The following RERE variants were observed in gnomAD, a reference collection of about 807,000 sequenced individuals.
The protein encoded by RERE is arginine-glutamic acid dipeptide repeats protein.
RERE carries 40 observed loss-of-function variants against 146.1 expected under a neutral mutation model. The ratio of observed to expected loss-of-function variants is 0.27; its 90% CI spans 0.21 to 0.36. The LOEUF (loss-of-function observed/expected upper bound fraction) is 0.36. Ranked by LOEUF, RERE falls within the 10% of genes least tolerant of loss-of-function variation. The pLI, the probability that RERE is intolerant of heterozygous loss-of-function variation, is 1.00. For missense variants in RERE, 1,933 were observed against 2,138.7 expected (o/e 0.90, Z 1.90); for synonymous variants, 1,003 against 866.0 (o/e 1.16, Z -2.78).
At chr1:8,763,666 C>T (rs1640795425) in intron 1 of RERE, among the ~76,000 whole-genome samples, 1 of 151,946 alleles carries the variant, frequency 6.6e-6, no homozygotes, top group African/African-American at 2.4e-5. Context: ...CAAGACCGGG[C>T]ACGGTGGCTC....
chr1:8,794,434 TTTATA>T (rs1166538271), intron 1 of RERE, among the ~76,000 whole-genome samples: 3 of 151,174 alleles, frequency 2.0e-5, no homozygotes, highest in African/African-American at 7.3e-5. Flanking sequence ...TCTCTACATC[TTTATA>T]TTAAAGGGTC....
intron 6 of RERE, among the ~76,000 whole-genome samples, chr1:8,552,918 G>A (rs1025915139): frequency 1.0e-4 from 15 of 150,688 alleles, no homozygotes; most frequent in Non-Finnish European, 1.5e-5. Context: ...AGGCCAGTGC[G>A]TTCACACACA....
chr1:8,376,473 C>T (rs961670310), intron 12 of RERE, among the ~76,000 whole-genome samples: 5 of 152,172 alleles, frequency 3.3e-5, no homozygotes, highest in East Asian at 1.9e-4. Context: ...TCTATAGAAA[C>T]GCTTTCTGCT....
intron 11 of RERE, among the ~76,000 whole-genome samples, chr1:8,439,779 A>G (rs1249697723): frequency 6.6e-6 from 1 of 152,214 alleles, no homozygotes; most frequent in African/African-American, 2.4e-5. Context: ...CATTTAAAAT[A>G]CCTATGGTGT....
chr1:8,562,008 C>T (rs529528776), intron 4 of RERE, among the ~76,000 whole-genome samples: 2 of 152,272 alleles, frequency 1.3e-5, no homozygotes, highest in South Asian at 4.1e-4. Context: ...AGCCTCAATG[C>T]TCTCATATAC....
intron 1 of RERE, among the ~76,000 whole-genome samples, chr1:8,778,338 T>C (rs889908371): frequency 6.6e-6 from 1 of 152,228 alleles, no homozygotes; most frequent in East Asian, 1.9e-4. Context: ...AAGATCTATT[T>C]ATATATTTTA....
In RERE at chr1:8,715,528, T is replaced by C. The variant is rs143438334; in HGVS notation, c.-144-59087A>G. On this transcript the variant is annotated intron_variant, in intron 1 of 22. Transcript: ENST00000400908. ...CTCCGTCTTAATAATAATAATAATATAAACATTCAATACTGATTTAACCAC... is the reference window on the plus strand; with the variant it reads ...CTCCGTCTTAATAATAATAATAATACAAACATTCAATACTGATTTAACCAC... 1.6e-4 allele frequency among the ~76,000 whole-genome samples: 25 copies of C among 151,774 alleles called. No homozygotes were observed. The East Asian group carries it at 4.1e-3, about 25-fold the overall frequency.
At chr1:8,629,320 G>A (rs1647008845) in intron 2 of RERE, among the ~76,000 whole-genome samples, 1 of 152,164 alleles carries the variant, frequency 6.6e-6, no homozygotes, top group Non-Finnish European at 1.5e-5. Flanking sequence ...TGAACAGGGA[G>A]CAACAAAATC....
chr1:8,620,836 C>T (rs773066757), intron 3 of RERE, among the ~76,000 whole-genome samples: 1 of 151,668 alleles, frequency 6.6e-6, no homozygotes, highest in Non-Finnish European at 1.5e-5. Flanking sequence ...CTTTGGTCAG[C>T]GCATTCAAAC....
At chr1:8,817,060 C>A (rs1236811875) in intron 1 of RERE, 100 bp downstream of exon 1, 1 of 152,326 alleles carries the variant, frequency 6.6e-6, no homozygotes, top group Non-Finnish European at 1.5e-5. Flanking sequence ...TGCCTCCCCC[C>A]GGGCGAGTGA....
chr1:8,510,880 C>T (rs1645326476), intron 7 of RERE, among the ~76,000 whole-genome samples: 3 of 152,188 alleles, frequency 2.0e-5, no homozygotes, highest in South Asian at 4.1e-4. Flanking sequence ...CATGGCTACA[C>T]TGTTAAGTCC....
rs567369157 is a variant in RERE, at chr1:8,720,697, G to C, written c.-144-64256C>G. On this transcript the variant is annotated intron_variant, in intron 1 of 22. Coordinates refer to ENST00000400908, the MANE Select transcript of RERE (RefSeq NM_001042681.2). Reference sequence around the variant, plus strand: ...AGTTCTTATAATTGTATAACCCCAAGAGTAGACAAGAAGCACACATCCCAA... The same window carrying C: ...AGTTCTTATAATTGTATAACCCCAACAGTAGACAAGAAGCACACATCCCAA... Among the ~76,000 whole-genome samples, 21 of 152,274 alleles carry C rather than the reference G, an allele frequency of 1.4e-4. No homozygotes were observed. The South Asian group carries it at 2.1e-3, about 15-fold the overall frequency.
intron 2 of RERE, among the ~76,000 whole-genome samples, chr1:8,636,149 C>T (rs1287332853): frequency 9.9e-5 from 15 of 152,108 alleles, no homozygotes; most frequent in Non-Finnish European, 1.6e-4. Context: ...CCACAACACC[C>T]GGCTAATTTT....
chr1:8,696,397 G>C (rs190231239), intron 1 of RERE, among the ~76,000 whole-genome samples: 56 of 152,270 alleles, frequency 3.7e-4, no homozygotes, highest in Admixed American at 2.8e-3. Context: ...CAGATCACCC[G>C]AGCTCAAGAG....
intron 4 of RERE, among the ~76,000 whole-genome samples, chr1:8,590,066 T>TCA (rs1329425072): frequency 2.6e-5 from 4 of 152,092 alleles, no homozygotes; most frequent in Non-Finnish European, 5.9e-5. Context: ...CAGGACTAAG[T>TCA]CAGTCCCTTG....
chr1:8,529,810 C>A (rs531140513), intron 7 of RERE, among the ~76,000 whole-genome samples: 11 of 152,272 alleles, frequency 7.2e-5, no homozygotes, highest in African/African-American at 2.4e-4. Flanking sequence ...CCGAGCAGTT[C>A]CATAATTAGG....
intron 2 of RERE, among the ~76,000 whole-genome samples, chr1:8,649,522 G>A (rs1035010056): frequency 2.0e-5 from 3 of 152,042 alleles, no homozygotes; most frequent in African/African-American, 7.2e-5. Context: ...TTGAGGTCAG[G>A]AGTTCGAGAC....
intron 12 of RERE, among the ~76,000 whole-genome samples, chr1:8,387,227 C>T (rs1015277322): frequency 6.6e-6 from 1 of 152,350 alleles, no homozygotes; most frequent in South Asian, 2.1e-4. Flanking sequence ...GGAGAAAAGG[C>T]TGGACTTCTC....
chr1:8,608,131 C>T (rs895927708), intron 4 of RERE, among the ~76,000 whole-genome samples: 9 of 152,080 alleles, frequency 5.9e-5, no homozygotes, highest in Non-Finnish European at 1.2e-4. Flanking sequence ...TCAAGCACTC[C>T]TCTCTCCTCA....
Sources: allele counts gnomAD v4.1 joint callset (sites outside exome capture counted in the v4.1 genomes callset), GRCh38; gene constraint gnomAD v4.1.1; transcripts MANE v1.5; gene names NCBI Gene and HGNC (gene_info 2026-07-23, HGNC 2026-07-21).